RASGRP1: variants seen among roughly 807,000 people sequenced by gnomAD.
RASGRP1 encodes RAS guanyl-releasing protein 1.
A neutral mutation model predicts 95.1 loss-of-function variants in RASGRP1; 37 were observed. That is an observed-to-expected ratio of 0.39 (90% CI 0.30 to 0.51). RASGRP1 has a LOEUF of 0.51. Among genes scored for constraint, RASGRP1 ranks in the 20% least tolerant of loss-of-function variants. The probability of loss-of-function intolerance (pLI) is 0.80; values close to 1 mark genes in which losing one functional copy is unlikely to be tolerated. For missense variants in RASGRP1, 711 were observed against 965.4 expected, an observed-to-expected ratio of 0.74 and a Z score of 3.49; for synonymous variants, 325 against 353.4, an observed-to-expected ratio of 0.92 and a Z score of 0.90.
intron 9 of RASGRP1, 111 bp downstream of exon 9, chr15:38,507,615 C>T (rs1211742059): frequency 1.6e-6 from 2 of 1,237,926 alleles, no homozygotes; most frequent in Admixed American, 2.5e-5. Context: ...GTAATAGGAT[C>T]TGCTTCATAG....
chr15:38,530,828 TG>T (rs1892405479), intron 2 of RASGRP1, among the ~76,000 whole-genome samples: 1 of 152,172 alleles, frequency 6.6e-6, no homozygotes, highest in Non-Finnish European at 1.5e-5. Flanking sequence ...GAAGAAAACT[TG>T]GGGAAGAGAT....
chr15:38,505,930 A>C lies in RASGRP1; in HGVS notation c.1243-10T>G. 1 of 1,595,204 alleles carries C rather than the reference A, an allele frequency of 6.3e-7. No homozygotes were observed. Reference sequence around the variant, plus strand: ...AAAGATCCAGGGATAACTGCAGATCAAAGCAGAACAGGGTTCATTGCTAAG... The same window carrying C: ...AAAGATCCAGGGATAACTGCAGATCCAAGCAGAACAGGGTTCATTGCTAAG... On this transcript the variant is annotated splice_polypyrimidine_tract_variant and intron_variant, in intron 9 of 16. Transcript: ENST00000310803.
intron 3 of RASGRP1, among the ~76,000 whole-genome samples, chr15:38,525,124 T>C (rs762865116): frequency 5.3e-5 from 8 of 151,948 alleles, no homozygotes; most frequent in East Asian, 1.9e-4. Context: ...TATGTCACCA[T>C]GCCCGGCTAA....
chr15:38,494,591 C>T lies in RASGRP1; in HGVS notation c.2050G>A (p.Glu684Lys). 1.3e-6 allele frequency: 2 copies of T among 1,561,618 alleles called. No homozygotes were observed. The highest frequency in any genetic ancestry group is 1.7e-6 in the Non-Finnish European group (2 of 1,157,350). ...QTESQPWIGS[E>K]GPSGPFVLSS... ...AGCACAAAGGGACCTGAAGGGCCCT[C>T]ACTGCCAATCCAAGGCTGTGATTCA... is the stretch of plus-strand genomic sequence containing the variant. The change falls in exon 16 of 17, where the codon GAG becomes AAG. Residue 684 changes from glutamate (E) to lysine (K), a missense_variant. By Grantham distance (56) the Glu-to-Lys change is moderately conservative. This residue lies in a region of RASGRP1 where 212 missense variants were observed against 247.8 expected (regional missense o/e 0.86). Transcript: ENST00000310803.
At chr15:38,503,847 T>C (rs2141095508) in intron 10 of RASGRP1, 2 of 201,422 alleles carry the variant, frequency 9.9e-6, no homozygotes, top group South Asian at 1.9e-4. Flanking sequence ...ACTTAATGAC[T>C]GGGATATGTT....
chr15:38,517,108 A>G (rs951774430), intron 5 of RASGRP1, among the ~76,000 whole-genome samples: 3 of 152,170 alleles, frequency 2.0e-5, no homozygotes, highest in Non-Finnish European at 2.9e-5. Flanking sequence ...TCTGTGGTCA[A>G]TGAGCTTGGG....
chr15:38,506,005 G>T, intron 9 of RASGRP1, 85 bp from the exon 10 acceptor site: 2 of 1,118,826 alleles, frequency 1.8e-6, no homozygotes, highest in Non-Finnish European at 2.6e-6. Flanking sequence ...GATTTTCCTT[G>T]CCAGTAGTTT....
In RASGRP1 at chr15:38,518,150, G is replaced by GA; in HGVS notation, c.521+141dup. On this transcript the variant is annotated intron_variant, in intron 5 of 16. Coordinates refer to ENST00000310803, the MANE Select transcript of RASGRP1 (RefSeq NM_005739.4). ...AGCCTTCACTTTGGTGAGGCAGTTT[G>GA]AACCTGTGTATTTGAGGGGCTTCTC... is the stretch of plus-strand genomic sequence containing the variant. The GA allele has an allele frequency of 6.6e-6, 5 of 759,920 alleles. No homozygotes were observed. In the South Asian group the frequency reaches 9.4e-5, roughly 14 times the overall value. 47.1% of individuals were successfully genotyped at this position (759,920 alleles called of 1,614,324 possible).
At chr15:38,509,788 A>G (rs1387261763) in intron 8 of RASGRP1, among the ~76,000 whole-genome samples, 1 of 152,122 alleles carries the variant, frequency 6.6e-6, no homozygotes, top group Non-Finnish European at 1.5e-5. Context: ...TTTTTTTTGG[A>G]CTGCAGTTGA....
intron 2 of RASGRP1, among the ~76,000 whole-genome samples, chr15:38,551,369 C>A (rs180995890): frequency 6.6e-6 from 1 of 152,164 alleles, no homozygotes; most frequent in Admixed American, 6.6e-5. Flanking sequence ...GGTATCACAG[C>A]GAGAAACGGA....
At chr15:38,544,578 A>G (rs990314710) in intron 2 of RASGRP1, among the ~76,000 whole-genome samples, 4 of 152,166 alleles carry the variant, frequency 2.6e-5, no homozygotes, top group Non-Finnish European at 4.4e-5. Flanking sequence ...CTGTCTTGCA[A>G]GCACTCTCTC....
At chr15:38,500,339 G>GTTTTTT (rs147822101) in intron 13 of RASGRP1, among the ~76,000 whole-genome samples, 200 bp from the exon 14 acceptor site, 1 of 148,752 alleles carries the variant, frequency 6.7e-6, no homozygotes, top group Non-Finnish European at 1.5e-5. Flanking sequence ...CAAGAAGCAG[G>GTTTTTT]TTTTTTTTGT....
intron 7 of RASGRP1, among the ~76,000 whole-genome samples, chr15:38,512,096 A>G (rs1296153995): frequency 1.3e-5 from 2 of 152,236 alleles, no homozygotes; most frequent in East Asian, 3.8e-4. Context: ...TTTAGTTAAT[A>G]TCAGAGCAGG....
chr15:38,511,059 A>T (rs1475834671), intron 8 of RASGRP1, among the ~76,000 whole-genome samples: 1 of 152,252 alleles, frequency 6.6e-6, no homozygotes, highest in Non-Finnish European at 1.5e-5. Context: ...CAGGACATTT[A>T]AGAAAAATAT....
intron 2 of RASGRP1, among the ~76,000 whole-genome samples, chr15:38,557,203 T>TA (rs1293206815): frequency 6.6e-6 from 1 of 152,236 alleles, no homozygotes; most frequent in African/African-American, 2.4e-5. Context: ...TTCTCCCTCA[T>TA]AAAGTCTGCT....
chr15:38,511,600 T>G lies in RASGRP1; in HGVS notation c.966+4A>C. On this transcript the variant is annotated splice_donor_region_variant and intron_variant, in intron 8 of 16. Transcript: ENST00000310803. The stretch of plus-strand genomic sequence containing the variant: ...AGGGCCCCAGAGAAGACAGTAGCAC[T>G]GACCTTATTGATTTCATGTGGGACA... 2 of 1,608,126 alleles carry G rather than the reference T, an allele frequency of 1.2e-6. No homozygotes were observed. Among genetic ancestry groups the G allele is most frequent in the Non-Finnish European group, 1.7e-6 (2 of 1,174,708 alleles).
intron 11 of RASGRP1, chr15:38,502,997 C>A: frequency 2.1e-6 from 1 of 481,838 alleles, no homozygotes; most frequent in Non-Finnish European, 3.7e-6. Context: ...CAAATGCATC[C>A]CAATACTTCT....
intron 2 of RASGRP1, among the ~76,000 whole-genome samples, chr15:38,542,551 A>G (rs1892909244): frequency 6.6e-6 from 1 of 150,722 alleles, no homozygotes; most frequent in Non-Finnish European, 1.5e-5. Context: ...ATACTAGATG[A>G]CCCCATGAAG....
intron 2 of RASGRP1, among the ~76,000 whole-genome samples, chr15:38,532,049 C>T (rs72727382): frequency 8.5e-5 from 13 of 152,080 alleles, no homozygotes; most frequent in Middle Eastern, 3.2e-3. Flanking sequence ...CTTTGAAAGA[C>T]GAGATTTTCA....
Sources: allele counts gnomAD v4.1 joint callset (sites outside exome capture counted in the v4.1 genomes callset), GRCh38; gene constraint gnomAD v4.1.1; regional missense constraint gnomAD v4.1.1; transcripts MANE v1.5; gene names NCBI Gene and HGNC (gene_info 2026-07-23, HGNC 2026-07-21).